PCDHGA4: variants seen among roughly 807,000 people sequenced by gnomAD.
PCDHGA4 encodes protocadherin gamma subfamily A, 4, also known as protocadherin gamma-A4.
A neutral mutation model predicts 54.6 loss-of-function variants in PCDHGA4; 38 were observed. That is an observed-to-expected ratio of 0.70 (90% CI 0.54 to 0.91). PCDHGA4 has a LOEUF of 0.91. PCDHGA4 is among the 40% of genes least tolerant of loss of function. PCDHGA4 has a pLI of 0.00. For missense variants in PCDHGA4, 1,298 were observed against 1,220.9 expected, an observed-to-expected ratio of 1.06 and a Z score of -0.94; for synonymous variants, 511 against 512.9, an observed-to-expected ratio of 1.00 and a Z score of 0.05.
At chr5:141,422,501 CCA>C in intron 1 of PCDHGA4, 1 of 1,613,928 alleles carries the variant, frequency 6.2e-7, no homozygotes, top group African/African-American at 1.3e-5. Flanking sequence ...ACGTTGACAG[CCA>C]CAGACCAGGG....
chr5:141,364,432 G>T (rs763376851), intron 1 of PCDHGA4: 1 of 1,613,796 alleles, frequency 6.2e-7, no homozygotes, highest in Non-Finnish European at 8.5e-7. Context: ...TCCGCTACTC[G>T]ATGCCGGAGG....
In PCDHGA4 at chr5:141,404,896, C is replaced by T. The variant is rs182502698; in HGVS notation, c.2514+47275C>T. ...AGAGCCTTGTGGTGGCTGTACAGGA[C>T]CATGGCCAGCCCCCTCTCTCGGCCA... On this transcript the variant is annotated intron_variant, in intron 1 of 3. Transcript: ENST00000571252. The T allele has an allele frequency of 3.7e-5, 59 of 1,613,884 alleles. No homozygotes were observed. The Admixed American group carries it at 8.3e-4, about 23-fold the overall frequency.
At chr5:141,415,754 T>TTTG (rs2095935149) in intron 1 of PCDHGA4, 3 of 1,385,710 alleles carry the variant, frequency 2.2e-6, no homozygotes, top group African/African-American at 1.5e-5. Context: ...TTTTTTTTTT[T>TTTG]TTTTTTTTTT....
At chr5:141,371,243 T>C in intron 1 of PCDHGA4, 1 of 1,614,002 alleles carries the variant, frequency 6.2e-7, no homozygotes. Flanking sequence ...CCTTCATCAA[T>C]ATTGGCAAGG....
At chr5:141,386,384 A>G (rs1033532471) in intron 1 of PCDHGA4, among the ~76,000 whole-genome samples, 6 of 152,220 alleles carry the variant, frequency 3.9e-5, no homozygotes, top group Non-Finnish European at 8.8e-5. Flanking sequence ...TATTAATTAA[A>G]AACACACTTT....
chr5:141,371,769 G>C lies in PCDHGA4; in HGVS notation c.2514+14148G>C, dbSNP rs755229487. Reference sequence around the variant, plus strand: ...CGTTTTCCACCAGGCCTCCTACACCGTGCATGTAGCTGAGAACAATCCGCC... The same window carrying C: ...CGTTTTCCACCAGGCCTCCTACACCCTGCATGTAGCTGAGAACAATCCGCC... On this transcript the variant is annotated intron_variant, in intron 1 of 3. Transcript: ENST00000571252. 43 of 1,613,880 alleles carry C rather than the reference G, an allele frequency of 2.7e-5. No individual in the cohort carries two copies. Among genetic ancestry groups the C allele is most frequent in the Admixed American group, 6.7e-5 (4 of 60,016 alleles).
chr5:141,374,718 T>A (rs1462422521), intron 1 of PCDHGA4: 6 of 1,609,996 alleles, frequency 3.7e-6, no homozygotes, highest in Non-Finnish European at 5.1e-6. Context: ...CGCCTGGTCC[T>A]TACTGCCATG....
intron 1 of PCDHGA4, among the ~76,000 whole-genome samples, chr5:141,472,980 CAAAAA>C (rs60579131): frequency 1.2e-5 from 1 of 86,106 alleles, no homozygotes; most frequent in African/African-American, 3.9e-5. Flanking sequence ...GAGTGAAACT[CAAAAA>C]AAAAAAAAAA....
At chr5:141,478,675 G>T in intron 1 of PCDHGA4, 1 of 1,551,574 alleles carries the variant, frequency 6.4e-7, no homozygotes, top group Non-Finnish European at 8.7e-7. Flanking sequence ...ACTTTCAACT[G>T]GCCCTTCCTA....
At chr5:141,396,060 G>A (rs1309175410) in intron 1 of PCDHGA4, 1 of 152,318 alleles carries the variant, frequency 6.6e-6, no homozygotes, top group East Asian at 1.9e-4. Flanking sequence ...CCAATTAGCT[G>A]TTTCGGTTGT....
chr5:141,424,365 T>A (rs933291305), intron 1 of PCDHGA4: 7 of 152,246 alleles, frequency 4.6e-5, no homozygotes, highest in African/African-American at 1.7e-4. Context: ...TAGATCACAT[T>A]TTTTCTTAAG....
rs372381838 is a variant in PCDHGA4, at chr5:141,355,945, G to T, written c.838G>T (p.Val280Leu). 3 of 1,613,848 alleles carry T rather than the reference G, an allele frequency of 1.9e-6. No individual in the cohort carries two copies. Among genetic ancestry groups the T allele is most frequent in the East Asian group, 2.2e-5 (1 of 44,884 alleles). The stretch of plus-strand genomic sequence containing the variant: ...CGTGTTCACTCAGCCCGAGTACCAC[G>T]TAAGTGTTCGTGAGAACGTTCCTGT... ...APVFTQPEYH[V>L]SVRENVPVGT... Residue 280 changes from valine to leucine, a missense_variant, in exon 1 of 4, where the codon GTA becomes TTA. Transcript: ENST00000571252.
intron 2 of PCDHGA4, among the ~76,000 whole-genome samples, chr5:141,503,334 C>T (rs2099819255): frequency 6.6e-6 from 1 of 152,072 alleles, no homozygotes; most frequent in Admixed American, 6.6e-5. Context: ...CGGTGGCTCA[C>T]GCCTGTAATT....
chr5:141,419,361 T>C, intron 1 of PCDHGA4: 1 of 1,613,794 alleles, frequency 6.2e-7, no homozygotes, highest in Non-Finnish European at 8.5e-7. Context: ...TCACGAACGC[T>C]GTCGTCCTAC....
At position 141,464,471 on chromosome 5, in the gene PCDHGA4, G is replaced by A. The variant is rs142068327; in HGVS notation, c.2515-30336G>A. On this transcript the variant is annotated intron_variant, in intron 1 of 3. Coordinates refer to ENST00000571252, the MANE Select transcript of PCDHGA4 (RefSeq NM_018917.4). ...TTGTTGTTATTTTTGAAGTATGTAC[G>A]TATAATAAATTCCTAATAGTGTGAT... Among the ~76,000 whole-genome samples, 204 of 151,612 alleles carry A rather than the reference G, an allele frequency of 1.3e-3. 1 individual carries two copies. The highest frequency in any genetic ancestry group is 2.3e-3 in the Non-Finnish European group (156 of 67,928).
intron 1 of PCDHGA4, among the ~76,000 whole-genome samples, chr5:141,462,023 A>T (rs927945421): frequency 1.3e-5 from 2 of 152,112 alleles, no homozygotes; most frequent in African/African-American, 4.8e-5. Flanking sequence ...GGGTTTCTTC[A>T]TGTTGGTCAG....
At chr5:141,473,801 T>C (rs1593456345) in intron 1 of PCDHGA4, among the ~76,000 whole-genome samples, 1 of 152,226 alleles carries the variant, frequency 6.6e-6, no homozygotes, top group East Asian at 1.9e-4. Flanking sequence ...ATGATGCTAC[T>C]GAGGAGCAGC....
intron 1 of PCDHGA4, among the ~76,000 whole-genome samples, chr5:141,401,414 A>G (rs539285035): frequency 1.3e-5 from 2 of 152,350 alleles, no homozygotes; most frequent in African/African-American, 4.8e-5. Flanking sequence ...AGAGAAAGAG[A>G]GAGACTGATT....
chr5:141,366,147 ACCG>A, intron 1 of PCDHGA4: 1 of 1,614,152 alleles, frequency 6.2e-7, no homozygotes, highest in East Asian at 2.2e-5. Flanking sequence ...TGGCTGTCCT[ACCG>A]CCTGCTTAAG....
Sources: allele counts gnomAD v4.1 joint callset (sites outside exome capture counted in the v4.1 genomes callset), GRCh38; gene constraint gnomAD v4.1.1; transcripts MANE v1.5; gene names NCBI Gene and HGNC (gene_info 2026-07-23, HGNC 2026-07-21).